CASK: variants seen among roughly 807,000 people sequenced by gnomAD.
The protein encoded by CASK is peripheral plasma membrane protein CASK.
A neutral mutation model predicts 82.9 loss-of-function variants in CASK; 4 were observed. The observed-to-expected ratio is 0.05, with a 90% CI of 0.02 to 0.11. The LOEUF (loss-of-function observed/expected upper bound fraction) is 0.11. CASK is among the 10% of genes least tolerant of loss of function. The pLI is 1.00. For missense variants in CASK, 358 were observed against 720.9 expected, an observed-to-expected ratio of 0.50 and a Z score of 5.76; for synonymous variants, 259 against 253.5, an observed-to-expected ratio of 1.02 and a Z score of -0.20.
intron 2 of CASK, among the ~76,000 whole-genome samples, chrX:41,835,557 T>C (rs2070913449): frequency 8.9e-6 from 1 of 111,890 alleles, no homozygotes; most frequent in African/African-American, 3.3e-5. Context: ...ATCTACATAC[T>C]GAAGTCATAT....
intron 5 of CASK, 44 bp from the exon 6 acceptor site, chrX:41,671,574 G>T: frequency 1.2e-6 from 1 of 809,018 alleles, no homozygotes; most frequent in Non-Finnish European, 1.9e-6. Flanking sequence ...AAACAAACCC[G>T]AAGATAAGGA....
At chrX:41,702,639 CA>C (rs1212736380) in intron 5 of CASK, among the ~76,000 whole-genome samples, 3 of 108,018 alleles carry the variant, frequency 2.8e-5, no homozygotes. Flanking sequence ...ACTAAAAATA[CA>C]AAAATTAGCT....
intron 10 of CASK, among the ~76,000 whole-genome samples, chrX:41,624,554 G>A (rs1018121497): frequency 8.9e-6 from 1 of 112,075 alleles, no homozygotes; most frequent in Non-Finnish European, 1.9e-5. Context: ...ATTTTTGTGG[G>A]TACATAGTAT....
rs1569384807 is a variant in CASK, at chrX:41,671,574, GAAGAT to G, written c.430-49_430-45del. ...GAACAAACAAACAAAAAACAAACCCGAAGATAAGGATTCATTGAAGATGAACAATG... is the reference window on the plus strand; with the variant it reads ...GAACAAACAAACAAAAAACAAACCCGAAGGATTCATTGAAGATGAACAATG... On this transcript the variant is annotated intron_variant, in intron 5 of 26. Coordinates refer to ENST00000378163, the MANE Select transcript of CASK (RefSeq NM_001367721.1). 8.7e-6 allele frequency: 7 copies of G among 807,377 alleles called. No individual in the cohort carries two copies. In the Admixed American group the frequency reaches 9.1e-5, roughly 11 times the overall value. 66.5% of individuals were successfully genotyped at this position (807,377 alleles called of 1,213,427 possible). A position where few individuals can be genotyped will look rare whatever the true frequency, so the allele number is the denominator to read the frequency against.
chrX:41,761,262 T>C (rs1224324753), intron 3 of CASK, among the ~76,000 whole-genome samples: 1 of 110,954 alleles, frequency 9.0e-6, no homozygotes, highest in African/African-American at 3.3e-5. Context: ...TTTGGGGTTT[T>C]TTTTTGACAG....
intron 3 of CASK, among the ~76,000 whole-genome samples, chrX:41,747,817 T>C (rs936700083): frequency 2.8e-4 from 32 of 112,733 alleles, no homozygotes; most frequent in African/African-American, 9.3e-4. Flanking sequence ...TGTGTGAATG[T>C]GTCCCTTGCT....
At chrX:41,879,050 G>T (rs755266912) in intron 1 of CASK, among the ~76,000 whole-genome samples, 2 of 111,578 alleles carry the variant, frequency 1.8e-5, no homozygotes, top group Admixed American at 9.5e-5. Flanking sequence ...GTAAAGGACA[G>T]AATAGATCTT....
chrX:41,636,568 T>C lies in CASK; in HGVS notation c.915+10A>G. 3 of 1,106,093 alleles carry C rather than the reference T, an allele frequency of 2.7e-6. No individual in the cohort carries two copies. Among genetic ancestry groups the C allele is most frequent in the Non-Finnish European group, 3.8e-6 (3 of 799,252 alleles). The allele number at this position is 1,106,093 out of a possible 1,213,427, so 91.2% of individuals were successfully genotyped here. ...TCTGTTTGGCTTTTTTGCTGATTTG[T>C]TTAATTTACCTTTAGTTTCCTCCTT... On this transcript the variant is annotated intron_variant, in intron 9 of 26. Coordinates refer to ENST00000378163, the MANE Select transcript of CASK (RefSeq NM_001367721.1).
rs778375142 is a variant in CASK at position 41,777,475 on chromosome X, C to T, written c.278+9703G>A. Among the ~76,000 whole-genome samples, 129 of 97,982 alleles carry T rather than the reference C, an allele frequency of 1.3e-3. 2 individuals are homozygous for T. Among genetic ancestry groups the T allele is most frequent in the African/African-American group, 4.8e-3 (123 of 25,425 alleles). 85.1% of individuals were successfully genotyped at this position (97,982 alleles called of 115,157 possible). On this transcript the variant is annotated intron_variant, in intron 3 of 26. Coordinates refer to ENST00000378163, the MANE Select transcript of CASK (RefSeq NM_001367721.1). ...TTGCACTCCAGCCTGGGCGACAGAG[C>T]GAGACATCGTCTCAAAAAAAAAAAA... is the stretch of plus-strand genomic sequence containing the variant.
intron 2 of CASK, among the ~76,000 whole-genome samples, chrX:41,821,951 G>A (rs1342962381): frequency 2.7e-5 from 3 of 111,659 alleles, no homozygotes; most frequent in Middle Eastern, 4.2e-3. Context: ...CCTAGCCCTC[G>A]AGTCTTCTGA....
intron 1 of CASK, among the ~76,000 whole-genome samples, chrX:41,898,447 A>G (rs2072310259): frequency 9.0e-6 from 1 of 111,525 alleles, no homozygotes; most frequent in Non-Finnish European, 1.9e-5. Context: ...TTATTTCTGC[A>G]TTGATCTTTA....
chrX:41,658,995 T>C (rs79510577), intron 8 of CASK, among the ~76,000 whole-genome samples: 13,809 of 109,934 alleles, frequency 0.13, 768 homozygotes, highest in Middle Eastern at 0.18. Flanking sequence ...CTGGAGGGGG[T>C]TGTAGGGTCA....
Position 41,591,506 on chromosome X carries a change from G to A in CASK, c.1156-1914C>T, listed in dbSNP as rs753230767. 3.8e-5 allele frequency among the ~76,000 whole-genome samples: 4 copies of A among 106,187 alleles called. No individual in the cohort carries two copies. The South Asian group carries it at 1.2e-3, about 33-fold the overall frequency. 92.2% of individuals were successfully genotyped at this position (106,187 alleles called of 115,157 possible). On this transcript the variant is annotated intron_variant, in intron 12 of 26. Coordinates refer to ENST00000378163, the MANE Select transcript of CASK (RefSeq NM_001367721.1). Reference sequence around the variant, plus strand: ...TGTTTTTTTTTTGAGGCGGAGTCTCGCTTTGTCTCCCAGGCTGGAGTCCAG... The same window carrying A: ...TGTTTTTTTTTTGAGGCGGAGTCTCACTTTGTCTCCCAGGCTGGAGTCCAG...
intron 1 of CASK, among the ~76,000 whole-genome samples, chrX:41,856,812 A>C (rs1457403153): frequency 9.3e-6 from 1 of 107,464 alleles, no homozygotes. Flanking sequence ...AAAAAAAAAA[A>C]ACCAAACTGT....
chrX:41,773,239 T>C (rs940655819), intron 3 of CASK, among the ~76,000 whole-genome samples: 13 of 108,006 alleles, frequency 1.2e-4, no homozygotes, highest in African/African-American at 4.4e-4. Flanking sequence ...CCAGGCATGG[T>C]GGCACGCCTG....
At chrX:41,695,981 C>T in intron 5 of CASK, 1 of 1,208,430 alleles carries the variant, frequency 8.3e-7, no homozygotes. Context: ...ATCATATTAA[C>T]CAAAACAAGT....
At chrX:41,627,545 T>A (rs2066399093) in intron 9 of CASK, among the ~76,000 whole-genome samples, 1 of 111,786 alleles carries the variant, frequency 8.9e-6, no homozygotes, top group Admixed American at 9.5e-5. Context: ...TGATTTTCTA[T>A]CCCTTGCCCC....
chrX:41,566,849 T>C (rs1412904604), intron 16 of CASK, among the ~76,000 whole-genome samples: 3 of 111,760 alleles, frequency 2.7e-5, no homozygotes, highest in Non-Finnish European at 5.6e-5. Context: ...ACTATGAGGC[T>C]ACAGTAACCA....
intron 1 of CASK, among the ~76,000 whole-genome samples, chrX:41,906,896 C>T (rs779062513): frequency 1.8e-5 from 2 of 112,735 alleles, no homozygotes; most frequent in East Asian, 5.6e-4. Context: ...ATTTCCAACA[C>T]TATACTGCAG....
Sources: allele counts gnomAD v4.1 joint callset (sites outside exome capture counted in the v4.1 genomes callset), GRCh38; gene constraint gnomAD v4.1.1; transcripts MANE v1.5; gene names NCBI Gene and HGNC (gene_info 2026-07-23, HGNC 2026-07-21).